The following CAND2 variants were observed in gnomAD, a reference collection of about 807,000 sequenced individuals.
CAND2 encodes the protein cullin associated and neddylation dissociated 2 (putative).
In CAND2, 62 loss-of-function variants were observed where a neutral mutation model predicts 98.9. The ratio of observed to expected loss-of-function variants is 0.63; its 90% CI spans 0.51 to 0.77. The LOEUF (loss-of-function observed/expected upper bound fraction) is 0.77, where lower values mean the gene tolerates loss of function less well. Among genes scored for constraint, CAND2 ranks in the 30% least tolerant of loss-of-function variants. CAND2 has a pLI of 0.00. For synonymous variants in CAND2, 770 were observed against 731.9 expected, an observed-to-expected ratio of 1.05 and a Z score of -0.84; for missense variants, 1,501 against 1,655.2, an observed-to-expected ratio of 0.91 and a Z score of 1.62.
In CAND2 at chr3:12,820,174, C is replaced by A; in HGVS notation, c.3033C>A (p.Ser1011Arg). 1 of 1,613,174 alleles carries A rather than the reference C, an allele frequency of 6.2e-7. No homozygotes were observed. Among genetic ancestry groups the A allele is most frequent in the Admixed American group, 1.7e-5 (1 of 60,002 alleles). Residue 1011 changes from serine (S) to arginine (R), a missense_variant, in exon 11 of 15, where the codon AGC becomes AGA. By Grantham distance (110) the Ser-to-Arg change is moderately radical. Around this residue, in one of 3 missense-constraint regions of CAND2, gnomAD observed 1,427 missense variants for 1,545.3 expected, o/e 0.92. Transcript: ENST00000456430. ...QPHPIDPLLK[S>R]FIGEFMESLQ... ...ATCCCATTGACCCCCTCCTGAAGAGCTTCATCGGTGAGCACCTACCTCTTG... is the reference window on the plus strand; with the variant it reads ...ATCCCATTGACCCCCTCCTGAAGAGATTCATCGGTGAGCACCTACCTCTTG...
In CAND2 at chr3:12,810,326, TA is replaced by T; in HGVS notation, c.757+4del. 1 of 1,449,766 alleles carries T rather than the reference TA, an allele frequency of 6.9e-7. No homozygotes were observed. Among genetic ancestry groups the T allele is most frequent in the Non-Finnish European group, 9.1e-7 (1 of 1,101,926 alleles). 89.8% of individuals were successfully genotyped at this position (1,449,766 alleles called of 1,614,324 possible). A position where few individuals can be genotyped will look rare whatever the true frequency, so the allele number is the denominator to read the frequency against. On this transcript the variant is annotated splice_donor_region_variant and intron_variant, in intron 5 of 14. Transcript: ENST00000456430. ...GCCGCCAGGCCGGCCACCGCCTCGG[TA>T]AGGGGGCAGGGGGCGGGGCCTGGGC...
chr3:12,798,530 A>T (rs2061743157), intron 1 of CAND2, among the ~76,000 whole-genome samples: 1 of 152,140 alleles, frequency 6.6e-6, no homozygotes, highest in Admixed American at 6.5e-5. Flanking sequence ...GTGTAATCTC[A>T]GTCCACCCAT....
At chr3:12,808,757 G>T (rs893205487) in intron 4 of CAND2, among the ~76,000 whole-genome samples, 1 of 152,184 alleles carries the variant, frequency 6.6e-6, no homozygotes, top group Non-Finnish European at 1.5e-5. Context: ...AGTGCTGCTA[G>T]AGCTGAGCCT....
intron 5 of CAND2, among the ~76,000 whole-genome samples, chr3:12,812,348 T>C (rs984830849): frequency 4.0e-5 from 6 of 150,180 alleles, no homozygotes; most frequent in African/African-American, 1.5e-4. Flanking sequence ...CTCAGCCTCC[T>C]GAATAGCTGG....
At position 12,816,710 on chromosome 3, in the gene CAND2, C is replaced by T. The variant is rs780179047; in HGVS notation, c.1778C>T (p.Ser593Phe). 6.2e-7 allele frequency: 1 copy of T among 1,613,682 alleles called. No individual in the cohort carries two copies. The highest frequency in any genetic ancestry group is 8.5e-7 in the Non-Finnish European group (1 of 1,180,040). ...LDQEVKERAISCMGHLVGHLG... is the reference protein window; with the variant it reads ...LDQEVKERAIFCMGHLVGHLG... ...CAGGAGGTGAAGGAGCGGGCCATTT[C>T]CTGCATGGGCCACCTTGTAGGCCAC... Residue 593 changes from serine to phenylalanine, a missense_variant, in exon 10 of 15, where the codon TCC becomes TTC. This residue lies in a region of CAND2 where 1,427 missense variants were observed against 1,545.3 expected (regional missense o/e 0.92). Transcript: ENST00000456430.
At chr3:12,819,826 T>C (rs557738472) in intron 10 of CAND2, among the ~76,000 whole-genome samples, 1 of 152,172 alleles carries the variant, frequency 6.6e-6, no homozygotes, top group Non-Finnish European at 1.5e-5. Flanking sequence ...GCAGTTCCTG[T>C]CTTGGTTATT....
intron 14 of CAND2, 74 bp downstream of exon 14, chr3:12,831,646 T>G (rs2062054869): frequency 2.2e-6 from 2 of 905,854 alleles, no homozygotes; most frequent in South Asian, 3.4e-5. Flanking sequence ...TCAGTTACCC[T>G]TACTGAGCAC....
At chr3:12,812,549 C>T (rs1291019782) in intron 5 of CAND2, among the ~76,000 whole-genome samples, 5 of 150,362 alleles carry the variant, frequency 3.3e-5, no homozygotes, top group Admixed American at 2.0e-4. Context: ...GGACTACAGG[C>T]GCCCGCCACC....
At chr3:12,811,117 C>T (rs1324315527) in intron 5 of CAND2, among the ~76,000 whole-genome samples, 5 of 143,868 alleles carry the variant, frequency 3.5e-5, no homozygotes, top group East Asian at 2.1e-4. Context: ...AGGCACACGG[C>T]GGGGGGTGGG....
In CAND2 at chr3:12,833,911, G is replaced by T. The variant is rs770349056; in HGVS notation, c.3640G>T (p.Ala1214Ser). 1.1e-5 allele frequency: 18 copies of T among 1,614,084 alleles called. No individual in the cohort carries two copies. Among genetic ancestry groups the T allele is most frequent in the Non-Finnish European group, 1.4e-5 (17 of 1,180,042 alleles). Residue 1214 changes from alanine to serine, a missense_variant, in exon 15 of 15, where the codon GCT (alanine) becomes TCT (serine). Ala to Ser is a moderately conservative substitution (Grantham distance 99, BLOSUM62 1). Around this residue, in one of 3 missense-constraint regions of CAND2, gnomAD observed 1,427 missense variants for 1,545.3 expected, o/e 0.92. Transcript: ENST00000456430. The part of the protein sequence containing the change: ...SSQIRSNPEL[A>S]ALFESIQKDS... ...CCAAATCAGATCCAACCCTGAACTT[G>T]CTGCCCTCTTTGAAAGCATCCAGAA...
At chr3:12,818,499 G>A (rs2061928380) in intron 10 of CAND2, among the ~76,000 whole-genome samples, 1 of 152,224 alleles carries the variant, frequency 6.6e-6, no homozygotes, top group Non-Finnish European at 1.5e-5. Flanking sequence ...AACCAGGAGG[G>A]GCAGGCGTTT....
chr3:12,825,730 G>A, intron 12 of CAND2, 91 bp downstream of exon 12: 1 of 1,369,854 alleles, frequency 7.3e-7, no homozygotes, highest in South Asian at 1.3e-5. Flanking sequence ...CATCAGAGCA[G>A]GTGCCGGGGC....
At chr3:12,799,507 C>G (rs1228350004) in intron 1 of CAND2, among the ~76,000 whole-genome samples, 1 of 152,102 alleles carries the variant, frequency 6.6e-6, no homozygotes, top group Non-Finnish European at 1.5e-5. Flanking sequence ...TCTGCAGGAA[C>G]CAGGGGTGTC....
chr3:12,803,636 G>A lies in CAND2; in HGVS notation c.212+5G>A, dbSNP rs1454270938. 2.5e-6 allele frequency: 4 copies of A among 1,597,124 alleles called. No homozygotes were observed. The South Asian group carries it at 3.4e-5, about 13-fold the overall frequency. ...GCAGAACCTGGCTGTCAAGTGGTGA[G>A]TGTCAGCCTCGGTGGAGCAGGAGAG... On this transcript the variant is annotated splice_donor_5th_base_variant and intron_variant, in intron 2 of 14. Coordinates refer to ENST00000456430, the MANE Select transcript of CAND2 (RefSeq NM_001162499.2).
chr3:12,813,133 A>G, intron 6 of CAND2, 38 bp downstream of exon 6: 3 of 1,567,740 alleles, frequency 1.9e-6, no homozygotes, highest in South Asian at 1.2e-5. Context: ...CCCTTTGGGA[A>G]GTTGGTGGGG....
intron 11 of CAND2, among the ~76,000 whole-genome samples, chr3:12,822,825 C>G (rs2124865261): frequency 6.6e-6 from 1 of 152,322 alleles, no homozygotes; most frequent in Admixed American, 6.5e-5. Context: ...CTAGGAAATG[C>G]ATGTCTATAC....
intron 4 of CAND2, 59 bp from the exon 5 acceptor site, chr3:12,810,000 A>G: frequency 7.2e-7 from 1 of 1,386,580 alleles, no homozygotes; most frequent in Non-Finnish European, 9.3e-7. Context: ...AGAGGGGCGG[A>G]GCCTGGCCCA....
At chr3:12,821,235 A>C (rs145533037) in intron 11 of CAND2, among the ~76,000 whole-genome samples, 1 of 7,488 alleles carries the variant, frequency 1.3e-4, no homozygotes, top group South Asian at 1.8e-3. Context: ...CTCCGTCTCA[A>C]AAAAAAAAAA....
At chr3:12,816,168 A>C (rs2061897288) in intron 9 of CAND2, among the ~76,000 whole-genome samples, 160 bp downstream of exon 9, 1 of 152,122 alleles carries the variant, frequency 6.6e-6, no homozygotes, top group African/African-American at 2.4e-5. Flanking sequence ...ACCAGCAGTG[A>C]GAACAAGGCT....
Sources: gnomAD v4.1 joint callset for allele counts (sites outside exome capture counted in the v4.1 genomes callset) on GRCh38, gnomAD v4.1.1 for gene constraint, gnomAD v4.1.1 regional missense constraint, MANE v1.5 for transcripts, NCBI Gene and HGNC (gene_info 2026-07-23, HGNC 2026-07-21) for gene names.